The following SGCZ variants were observed in gnomAD, a reference collection of about 807,000 sequenced individuals.
SGCZ encodes the protein zeta-sarcoglycan.
A neutral mutation model predicts 41.3 loss-of-function variants in SGCZ; 40 were observed. That is an observed-to-expected ratio of 0.97 (90% CI 0.75 to 1.26). The LOEUF (loss-of-function observed/expected upper bound fraction) is 1.26, where lower values mean the gene tolerates loss of function less well. Ranked by LOEUF, SGCZ falls within the 50% of genes most tolerant of loss-of-function variation. The pLI is 0.00. For missense variants in SGCZ, 552 were observed against 369.8 expected (o/e 1.49, Z -4.04); for synonymous variants, 206 against 137.5 (o/e 1.50, Z -3.49).
intron 1 of SGCZ, among the ~76,000 whole-genome samples, chr8:15,081,085 T>G (rs577763030): frequency 6.6e-6 from 1 of 152,264 alleles, no homozygotes; most frequent in East Asian, 1.9e-4. Flanking sequence ...ACTCTGTTAT[T>G]GAACGCAGCC....
At chr8:14,800,222 T>C (rs1263467708) in intron 1 of SGCZ, among the ~76,000 whole-genome samples, 1 of 152,202 alleles carries the variant, frequency 6.6e-6, no homozygotes, top group Admixed American at 6.5e-5. Flanking sequence ...CTAACACATG[T>C]GTTTAGGAAA....
chr8:14,552,530 A>AAAAT (rs539899088), intron 2 of SGCZ, among the ~76,000 whole-genome samples: 2 of 152,106 alleles, frequency 1.3e-5, no homozygotes, highest in African/African-American at 4.8e-5. Flanking sequence ...AAAACGTAAA[A>AAAAT]AAATAAATAA....
chr8:15,006,979 A>T (rs1012719297), intron 1 of SGCZ, among the ~76,000 whole-genome samples: 4 of 152,340 alleles, frequency 2.6e-5, no homozygotes, highest in Middle Eastern at 3.4e-3. Flanking sequence ...TTATTTTTCA[A>T]AAAAGGAAAT....
At chr8:14,551,507 T>TTATATATAATATATATATAA (rs1803830575) in intron 2 of SGCZ, among the ~76,000 whole-genome samples, 2 of 5,224 alleles carry the variant, frequency 3.8e-4, no homozygotes, top group African/African-American at 1.6e-3. Context: ...ATTATATATA[T>TTATATATAATATATATATAA]TATATATATT....
In SGCZ at chr8:14,200,163, C is replaced by A. The variant is rs539026963; in HGVS notation, c.425-35461G>T. Among the ~76,000 whole-genome samples, 3 of 152,220 alleles carry A rather than the reference C, an allele frequency of 2.0e-5. 1 individual carries two copies. The South Asian group carries it at 6.2e-4, about 32-fold the overall frequency. On this transcript the variant is annotated intron_variant, in intron 4 of 7. Transcript: ENST00000382080. ...CAGTTTAAATGAAACTAAATACATACAAATTCTGTATGCTGAAAGCTTCAA... is the reference window on the plus strand; with the variant it reads ...CAGTTTAAATGAAACTAAATACATAAAAATTCTGTATGCTGAAAGCTTCAA...
At chr8:14,942,145 C>G (rs940795231) in intron 1 of SGCZ, among the ~76,000 whole-genome samples, 12 of 151,958 alleles carry the variant, frequency 7.9e-5, no homozygotes, top group African/African-American at 2.9e-4. Flanking sequence ...TGTCTGGGTC[C>G]AGGATCTGGT....
intron 1 of SGCZ, among the ~76,000 whole-genome samples, chr8:15,181,391 T>C (rs764131010): frequency 6.6e-6 from 1 of 152,080 alleles, no homozygotes; most frequent in South Asian, 2.1e-4. Flanking sequence ...AAAGACCAAA[T>C]ATGACAGAGC....
At chr8:14,487,381 G>C (rs1362849194) in intron 2 of SGCZ, among the ~76,000 whole-genome samples, 1 of 151,722 alleles carries the variant, frequency 6.6e-6, no homozygotes, top group Non-Finnish European at 1.5e-5. Context: ...TATATTATGA[G>C]ACAAATGATG....
chr8:14,909,795 C>A (rs1399910952), intron 1 of SGCZ, among the ~76,000 whole-genome samples: 3 of 152,012 alleles, frequency 2.0e-5, no homozygotes, highest in Admixed American at 6.6e-5. Flanking sequence ...CTGGTTTGTC[C>A]ATCTACTAGT....
intron 1 of SGCZ, among the ~76,000 whole-genome samples, chr8:14,994,655 T>G (rs1203511318): frequency 6.6e-6 from 1 of 151,918 alleles, no homozygotes; most frequent in Admixed American, 6.6e-5. Context: ...TAGGGGCGTG[T>G]GTGTATGTGT....
intron 2 of SGCZ, among the ~76,000 whole-genome samples, chr8:14,337,902 G>C (rs7816210): frequency 0.43 from 65,559 of 151,914 alleles, 14,922 homozygotes; most frequent in African/African-American, 0.59. Flanking sequence ...CGGATGAACA[G>C]AATTATGGCA....
intron 2 of SGCZ, among the ~76,000 whole-genome samples, chr8:14,538,664 G>T (rs1803368373): frequency 6.6e-6 from 1 of 151,950 alleles, no homozygotes. Context: ...AAAAGCAAAA[G>T]CATCTACCAG....
At chr8:14,504,637 T>C (rs1190920292) in intron 2 of SGCZ, among the ~76,000 whole-genome samples, 1 of 152,198 alleles carries the variant, frequency 6.6e-6, no homozygotes, top group Non-Finnish European at 1.5e-5. Flanking sequence ...TTTTCTGTAA[T>C]GTACAAAGGT....
chr8:14,403,930 T>G (rs1799143775), intron 2 of SGCZ, among the ~76,000 whole-genome samples: 1 of 152,144 alleles, frequency 6.6e-6, no homozygotes, highest in African/African-American at 2.4e-5. Flanking sequence ...GGGAGAAATA[T>G]TTTTATGGTA....
At chr8:14,130,003 G>A (rs1402395967) in intron 5 of SGCZ, among the ~76,000 whole-genome samples, 1 of 152,132 alleles carries the variant, frequency 6.6e-6, no homozygotes, top group Non-Finnish European at 1.5e-5. Context: ...AAGTTCATAT[G>A]AAATGATTAT....
chr8:14,111,480 G>A (rs1323755265), intron 5 of SGCZ, among the ~76,000 whole-genome samples: 1 of 152,050 alleles, frequency 6.6e-6, no homozygotes, highest in Non-Finnish European at 1.5e-5. Context: ...AGGACAAAAG[G>A]AACACAACAG....
At chr8:15,073,765 C>A (rs1012763507) in intron 1 of SGCZ, among the ~76,000 whole-genome samples, 1 of 152,172 alleles carries the variant, frequency 6.6e-6, no homozygotes, top group Non-Finnish European at 1.5e-5. Flanking sequence ...CTGGCCCCCA[C>A]AACTGTTTGA....
chr8:14,164,553 A>G (rs747874832), intron 5 of SGCZ, 27 bp downstream of exon 5: 1 of 1,612,026 alleles, frequency 6.2e-7, no homozygotes, highest in South Asian at 1.1e-5. Context: ...GAAGTAAACA[A>G]TTTTTCAAGA....
intron 2 of SGCZ, among the ~76,000 whole-genome samples, chr8:14,425,740 T>C (rs1011723780): frequency 2.6e-5 from 4 of 152,230 alleles, no homozygotes; most frequent in African/African-American, 7.2e-5. Flanking sequence ...TCTTAGTTTT[T>C]AGGTACATTT....
Sources: allele counts gnomAD v4.1 joint callset (sites outside exome capture counted in the v4.1 genomes callset), GRCh38; gene constraint gnomAD v4.1.1; transcripts MANE v1.5; gene names NCBI Gene and HGNC (gene_info 2026-07-23, HGNC 2026-07-21).